GMCL1: variants seen among roughly 807,000 people sequenced by gnomAD.
GMCL1 encodes the protein germ cell-less 1, spermatogenesis associated, also known as germ cell-less protein-like 1.
A neutral mutation model predicts 75.5 loss-of-function variants in GMCL1; 54 were observed. That is an observed-to-expected ratio of 0.71 (90% confidence interval 0.57 to 0.90). The LOEUF is 0.90. GMCL1 is among the 40% of genes least tolerant of loss of function. The pLI is 0.00. For missense variants in GMCL1, 537 were observed against 622.7 expected (o/e 0.86, Z 1.47); for synonymous variants, 210 against 209.6 (o/e 1.00, Z -0.02).
At chr2:69,866,684 C>T (rs915519267) in intron 11 of GMCL1, among the ~76,000 whole-genome samples, 1 of 151,008 alleles carries the variant, frequency 6.6e-6, no homozygotes, top group Non-Finnish European at 1.5e-5. Flanking sequence ...AGGCTAGTCT[C>T]GAATTAGTGG....
In GMCL1 at chr2:69,844,209, C is replaced by T. The variant is rs775433589; in HGVS notation, c.758+13C>T. On this transcript the variant is annotated intron_variant, in intron 6 of 13. Coordinates refer to ENST00000282570, the MANE Select transcript of GMCL1 (RefSeq NM_178439.5). ...TTAAAGAACTCAGGTATTTGAATTT[C>T]AAGTAACTTCATAATTAGTCATCCT... 3 of 1,412,522 alleles carry T rather than the reference C, an allele frequency of 2.1e-6. No homozygotes were observed. Among genetic ancestry groups the T allele is most frequent in the Non-Finnish European group, 2.9e-6 (3 of 1,020,878 alleles). 87.5% of individuals were successfully genotyped at this position (1,412,522 alleles called of 1,614,324 possible).
intron 9 of GMCL1, among the ~76,000 whole-genome samples, chr2:69,857,981 A>G (rs933960125): frequency 2.6e-5 from 4 of 152,200 alleles, no homozygotes; most frequent in Non-Finnish European, 5.9e-5. Flanking sequence ...ATGGTTTTAG[A>G]GGGCCCTTTC....
intron 8 of GMCL1, among the ~76,000 whole-genome samples, chr2:69,853,169 A>C (rs1199260011): frequency 6.6e-6 from 1 of 152,228 alleles, no homozygotes; most frequent in Non-Finnish European, 1.5e-5. Context: ...ATGTGACAGA[A>C]CACTTGTAAA....
At chr2:69,855,976 C>T (rs537345722) in intron 9 of GMCL1, among the ~76,000 whole-genome samples, 1 of 152,214 alleles carries the variant, frequency 6.6e-6, no homozygotes, top group South Asian at 2.1e-4. Context: ...GCCTGTGATG[C>T]AAGTGGATAA....
At position 69,879,505 on chromosome 2, in the gene GMCL1, C is replaced by T. The variant is rs1295341827; in HGVS notation, c.*501C>T. The T allele has an allele frequency of 6.6e-6, 1 of 152,378 alleles. No homozygotes were observed. Among genetic ancestry groups the T allele is most frequent in the Non-Finnish European group, 1.5e-5 (1 of 68,162 alleles). The allele number at this position is 152,378 out of a possible 1,614,324, so 9.4% of individuals were successfully genotyped here. A position where few individuals can be genotyped will look rare whatever the true frequency, so the allele number is the denominator to read the frequency against. ...TGGTGTATTGAAAGCTTTCCTTTAA[C>T]ATTTTCACCTGCTCATTGTGATTCC... On this transcript the variant is annotated 3_prime_UTR_variant, in exon 14 of 14. Transcript: ENST00000282570.
At chr2:69,871,714 T>G in intron 12 of GMCL1, 31 bp from the exon 13 acceptor site, 1 of 1,160,076 alleles carries the variant, frequency 8.6e-7, no homozygotes, top group Non-Finnish European at 1.3e-6. Flanking sequence ...AAAAATCTTG[T>G]GTTTATTTTT....
chr2:69,847,573 A>C lies in GMCL1; in HGVS notation c.789A>C (p.Ser263=). The change falls in exon 7 of 14, where the codon TCA becomes TCC. Residue 263 remains serine (S), a synonymous_variant. Transcript: ENST00000282570. ...SINVMKQLIG[S]SNLFVMQVEM... The stretch of plus-strand genomic sequence containing the variant: ...ATGTCATGAAACAGCTCATTGGTTC[A>C]TCTAACTTATTTGTGATGCAAGTGG... 6.2e-7 allele frequency: 1 copy of C among 1,611,142 alleles called. No individual in the cohort carries two copies. Among genetic ancestry groups the C allele is most frequent in the Non-Finnish European group, 8.5e-7 (1 of 1,177,570 alleles).
chr2:69,866,707 T>C (rs2104032079), intron 11 of GMCL1, among the ~76,000 whole-genome samples: 1 of 149,646 alleles, frequency 6.7e-6, no homozygotes, highest in Middle Eastern at 3.4e-3. Context: ...TCAAGAGATC[T>C]TCCTGCCTTA....
At chr2:69,830,218 G>C in intron 1 of GMCL1, 66 bp downstream of exon 1, 1 of 1,495,294 alleles carries the variant, frequency 6.7e-7, no homozygotes, top group South Asian at 1.3e-5. Context: ...CCGAGCCGGC[G>C]CCTCGTGCGC....
Position 69,861,338 on chromosome 2 carries a change from G to T in GMCL1, c.1133G>T (p.Ser378Ile), listed in dbSNP as rs1309729536. The change falls in exon 10 of 14, where the codon AGT becomes ATT. Residue 378 changes from serine to isoleucine, a missense_variant. Physicochemically the swap from Ser to Ile is moderately radical, Grantham distance 142. Coordinates refer to ENST00000282570, the MANE Select transcript of GMCL1 (RefSeq NM_178439.5). The stretch of plus-strand genomic sequence containing the variant: ...GCTATGCTGCGGGCAGAACAGGACA[G>T]TGAGGTGGGGTAAGTATATTATACC... The part of the protein sequence containing the change: ...WFAMLRAEQD[S>I]EVGPQEINKE... 6.2e-7 allele frequency: 1 copy of T among 1,604,416 alleles called. No individual in the cohort carries two copies. The highest frequency in any genetic ancestry group is 2.2e-5 in the East Asian group (1 of 44,766).
In GMCL1 at chr2:69,871,766, T is replaced by C; in HGVS notation, c.1386T>C (p.Asp462=). Residue 462 remains aspartate (D), a synonymous_variant, in exon 13 of 14, where the codon GAT becomes GAC. Coordinates refer to ENST00000282570, the MANE Select transcript of GMCL1 (RefSeq NM_178439.5). ...CTAGATTACGTTTGGCTTCTTTTGA[T>C]AGTAGTGGAAAACTAATATGTAGTA... ...IAFRLRLASF[D]SSGKLICSRT... is the part of the protein sequence containing the mutation. 6.4e-7 allele frequency: 1 copy of C among 1,574,564 alleles called. No homozygotes were observed. Among genetic ancestry groups the C allele is most frequent in the Non-Finnish European group, 8.7e-7 (1 of 1,155,278 alleles).
chr2:69,865,046 A>G lies in GMCL1; in HGVS notation c.1218+71A>G. The G allele has an allele frequency of 3.6e-6, 4 of 1,121,782 alleles. No individual in the cohort carries two copies. The South Asian group carries it at 3.9e-5, about 11-fold the overall frequency. 69.5% of individuals were successfully genotyped at this position (1,121,782 alleles called of 1,614,324 possible). On this transcript the variant is annotated intron_variant, in intron 11 of 13. Transcript: ENST00000282570. ...ATCAGCACATCCTGCACCTGTAAGT[A>G]GTAATCATGACACCTGTCATACCTC...
intron 3 of GMCL1, among the ~76,000 whole-genome samples, chr2:69,840,625 T>C (rs994478993): frequency 5.3e-5 from 8 of 152,194 alleles, no homozygotes; most frequent in Admixed American, 3.3e-4. Context: ...ACTTAACGAT[T>C]GGTCTACTGA....
chr2:69,855,076 C>T lies in GMCL1; in HGVS notation c.1072+116C>T, dbSNP rs1022152928. 6 of 767,282 alleles carry T rather than the reference C, an allele frequency of 7.8e-6. No individual in the cohort carries two copies. In the African/African-American group the frequency reaches 1.1e-4, roughly 14 times the overall value. 47.5% of individuals were successfully genotyped at this position (767,282 alleles called of 1,614,324 possible). A position where few individuals can be genotyped will look rare whatever the true frequency, so the allele number is the denominator to read the frequency against. ...TTATTATTAATCCCAAAAAGGTATA[C>T]ATCTTTATGCCAAAGTGGAATCATC... On this transcript the variant is annotated intron_variant, in intron 9 of 13. Coordinates refer to ENST00000282570, the MANE Select transcript of GMCL1 (RefSeq NM_178439.5).
In GMCL1 at chr2:69,869,275, G is replaced by A. The variant is rs561494839; in HGVS notation, c.1219-444G>A. Among the ~76,000 whole-genome samples, 665 of 147,890 alleles carry A rather than the reference G, an allele frequency of 4.5e-3. 4 individuals carry two copies. Among genetic ancestry groups the A allele is most frequent in the Non-Finnish European group, 7.3e-3 (489 of 66,972 alleles). ...AAAAAAAAAAAAAAAAAAATTAGCC[G>A]GGCGTGGTGGCAGGGACCTGTAGTC... On this transcript the variant is annotated intron_variant, in intron 11 of 13. Transcript: ENST00000282570.
Position 69,837,618 on chromosome 2 carries a change from A to T in GMCL1, c.332A>T (p.Lys111Met), listed in dbSNP as rs761864829. 1.2e-6 allele frequency: 2 copies of T among 1,606,744 alleles called. No individual in the cohort carries two copies. The highest frequency in any genetic ancestry group is 2.7e-5 in the African/African-American group (2 of 74,536). The change falls in exon 2 of 14, where the codon AAG becomes ATG. Residue 111 changes from lysine to methionine, a missense_variant. Transcript: ENST00000282570. ...TTGAATGGTGAAAACAGTGACATTA[A>T]GATTTGTGCTCTAGGAGAAGAATGG... The part of the protein sequence containing the change: ...LFLNGENSDI[K>M]ICALGEEWSL...
intron 6 of GMCL1, among the ~76,000 whole-genome samples, 194 bp from the exon 7 acceptor site, chr2:69,847,349 G>A (rs1018947607): frequency 6.6e-5 from 10 of 152,138 alleles, no homozygotes; most frequent in Non-Finnish European, 1.3e-4. Context: ...CAGATAGATT[G>A]CACTATCTGA....
At chr2:69,835,990 CT>C (rs1295187800) in intron 1 of GMCL1, among the ~76,000 whole-genome samples, 1 of 152,162 alleles carries the variant, frequency 6.6e-6, no homozygotes, top group African/African-American at 2.4e-5. Context: ...TAGCTTTGTG[CT>C]ATTTCTAGAA....
intron 8 of GMCL1, among the ~76,000 whole-genome samples, chr2:69,851,417 G>A (rs6760541): frequency 0.014 from 2,093 of 152,158 alleles, 50 homozygotes; most frequent in African/African-American, 0.048. Context: ...GGAGACCAGC[G>A]TGGCCAACAT....
Sources: gnomAD v4.1 joint callset for allele counts (sites outside exome capture counted in the v4.1 genomes callset) on GRCh38, gnomAD v4.1.1 for gene constraint, MANE v1.5 for transcripts, NCBI Gene and HGNC (gene_info 2026-07-23, HGNC 2026-07-21) for gene names.